CSMD1: variants seen among roughly 807,000 people sequenced by gnomAD.
CSMD1 encodes the protein CUB and Sushi multiple domains 1.
A neutral mutation model predicts 417.5 loss-of-function variants in CSMD1; 213 were observed. The ratio of observed to expected loss-of-function variants is 0.51; its 90% CI spans 0.46 to 0.57. CSMD1 has a LOEUF of 0.57. Among genes scored for constraint, CSMD1 ranks in the 20% least tolerant of loss-of-function variants. The pLI, the probability that CSMD1 is intolerant of heterozygous loss-of-function variation, is 0.00. For missense variants in CSMD1, 6,923 were observed against 4,529.7 expected, an observed-to-expected ratio of 1.53 and a Z score of -15.17; for synonymous variants, 2,862 against 1,736.8, an observed-to-expected ratio of 1.65 and a Z score of -16.11.
intron 2 of CSMD1, among the ~76,000 whole-genome samples, chr8:4,481,915 G>A (rs1355369350): frequency 6.6e-6 from 1 of 152,118 alleles, no homozygotes; most frequent in Non-Finnish European, 1.5e-5. Flanking sequence ...GTGACTTGAG[G>A]TGTGGAAACA....
chr8:3,150,678 T>C (rs552771502), intron 40 of CSMD1, among the ~76,000 whole-genome samples: 1 of 152,326 alleles, frequency 6.6e-6, no homozygotes, highest in East Asian at 1.9e-4. Context: ...TAACTTGGTC[T>C]ACCTAAAGTG....
intron 25 of CSMD1, among the ~76,000 whole-genome samples, chr8:3,286,980 C>T (rs1377003072): frequency 6.6e-6 from 1 of 151,936 alleles, no homozygotes; most frequent in Non-Finnish European, 1.5e-5. Context: ...GTCTTTAATC[C>T]ATCTTGAATT....
chr8:4,092,990 G>A (rs1800799924), intron 3 of CSMD1, among the ~76,000 whole-genome samples: 1 of 151,820 alleles, frequency 6.6e-6, no homozygotes, highest in Non-Finnish European at 1.5e-5. Flanking sequence ...ACATAGTGGG[G>A]GTCAAAGAAA....
intron 5 of CSMD1, among the ~76,000 whole-genome samples, chr8:3,829,116 G>A (rs922822951): frequency 2.0e-5 from 3 of 151,788 alleles, no homozygotes; most frequent in East Asian, 1.9e-4. Flanking sequence ...ATGAGAACCT[G>A]GTGCACCCAT....
At chr8:4,663,660 G>A (rs925327643) in intron 1 of CSMD1, among the ~76,000 whole-genome samples, 1 of 152,100 alleles carries the variant, frequency 6.6e-6, no homozygotes, top group African/African-American at 2.4e-5. Context: ...TAAGTTCCCT[G>A]AGACCTCCCC....
intron 6 of CSMD1, among the ~76,000 whole-genome samples, chr8:3,753,683 G>C (rs28693802): frequency 7.3e-5 from 11 of 151,720 alleles, no homozygotes; most frequent in Non-Finnish European, 1.6e-4. Flanking sequence ...AATAGCTATT[G>C]ATTAAAACTT....
chr8:3,245,745 T>A (rs146430503), intron 26 of CSMD1, among the ~76,000 whole-genome samples: 1 of 152,316 alleles, frequency 6.6e-6, no homozygotes, highest in Non-Finnish European at 1.5e-5. Context: ...AATTTCTGGG[T>A]GGATCTAGAA....
intron 8 of CSMD1, among the ~76,000 whole-genome samples, chr8:3,591,942 C>G (rs765807995): frequency 2.0e-5 from 3 of 151,718 alleles, no homozygotes; most frequent in Non-Finnish European, 4.4e-5. Flanking sequence ...TGGATAGATA[C>G]ACAGATGCAT....
At chr8:3,994,481 T>A (rs902701888) in intron 5 of CSMD1, among the ~76,000 whole-genome samples, 7 of 148,114 alleles carry the variant, frequency 4.7e-5, no homozygotes, top group South Asian at 4.3e-4. Flanking sequence ...ACTTGGCTAG[T>A]CTCACCACTA....
chr8:3,253,628 T>A (rs1800433872), intron 26 of CSMD1, among the ~76,000 whole-genome samples: 1 of 152,116 alleles, frequency 6.6e-6, no homozygotes, highest in Non-Finnish European at 1.5e-5. Context: ...TGAGAGTGGG[T>A]TGTTAAAGTC....
intron 1 of CSMD1, among the ~76,000 whole-genome samples, chr8:4,696,413 A>C (rs918449997): frequency 6.6e-6 from 1 of 152,180 alleles, no homozygotes; most frequent in East Asian, 1.9e-4. Flanking sequence ...TCACTGAAAC[A>C]TCCTGCTTCT....
intron 37 of CSMD1, among the ~76,000 whole-genome samples, chr8:3,179,210 G>A (rs1426459979): frequency 6.6e-6 from 1 of 151,942 alleles, no homozygotes; most frequent in African/African-American, 2.4e-5. Flanking sequence ...CTCCCAAAGT[G>A]CTGGGATTAC....
intron 1 of CSMD1, among the ~76,000 whole-genome samples, chr8:4,830,098 G>C (rs974080520): frequency 6.6e-6 from 1 of 152,152 alleles, no homozygotes; most frequent in Non-Finnish European, 1.5e-5. Context: ...GTACTGAAGA[G>C]CTACATTCTT....
chr8:3,880,869 T>G (rs953350133), intron 5 of CSMD1, among the ~76,000 whole-genome samples: 1 of 152,288 alleles, frequency 6.6e-6, no homozygotes, highest in South Asian at 2.1e-4. Context: ...TAATACAAAT[T>G]TTTCTAGTCC....
At chr8:4,587,932 T>C (rs993813838) in intron 2 of CSMD1, among the ~76,000 whole-genome samples, 4 of 152,222 alleles carry the variant, frequency 2.6e-5, no homozygotes, top group Non-Finnish European at 4.4e-5. Flanking sequence ...CTTCCAGTGA[T>C]AGAAGGAGAT....
intron 2 of CSMD1, among the ~76,000 whole-genome samples, chr8:4,477,504 C>T (rs1300442481): frequency 6.6e-6 from 1 of 152,286 alleles, no homozygotes; most frequent in Non-Finnish European, 1.5e-5. Flanking sequence ...TGCAGCATTA[C>T]GTGAGTGGCC....
intron 1 of CSMD1, among the ~76,000 whole-genome samples, chr8:4,822,735 C>T (rs1799591240): frequency 6.6e-6 from 1 of 152,030 alleles, no homozygotes; most frequent in Admixed American, 6.6e-5. Flanking sequence ...AAGAATGATT[C>T]ACTATTTTTA....
chr8:4,270,825 C>T (rs149391371), intron 3 of CSMD1, among the ~76,000 whole-genome samples: 2 of 152,322 alleles, frequency 1.3e-5, no homozygotes, highest in African/African-American at 4.8e-5. Context: ...CCGCCCACCA[C>T]ACTCCGTGAC....
chr8:4,642,857 G>T (rs1803284708), intron 1 of CSMD1, among the ~76,000 whole-genome samples: 1 of 152,328 alleles, frequency 6.6e-6, no homozygotes, highest in African/African-American at 2.4e-5. Context: ...ATGTAATTGG[G>T]TTTAGGGACT....
Sources: gnomAD v4.1 joint callset for allele counts (sites outside exome capture counted in the v4.1 genomes callset) on GRCh38, gnomAD v4.1.1 for gene constraint, MANE v1.5 for transcripts, NCBI Gene and HGNC (gene_info 2026-07-23, HGNC 2026-07-21) for gene names.